The following CAMTA1 variants were observed in gnomAD, a reference collection of about 807,000 sequenced individuals.
The protein encoded by CAMTA1 is calmodulin-binding transcription activator 1.
A neutral mutation model predicts 170.9 loss-of-function variants in CAMTA1; 27 were observed. That is an observed-to-expected ratio of 0.16 (90% CI 0.12 to 0.22). The LOEUF (loss-of-function observed/expected upper bound fraction) is 0.22, where lower values mean the gene tolerates loss of function less well. Among genes scored for constraint, CAMTA1 ranks in the 10% least tolerant of loss-of-function variants. The pLI is 1.00. For missense variants in CAMTA1, 1,619 were observed against 2,217.2 expected, an observed-to-expected ratio of 0.73 and a Z score of 5.42; for synonymous variants, 833 against 891.5, an observed-to-expected ratio of 0.93 and a Z score of 1.17.
chr1:7,411,098 G>A (rs1270852305), intron 5 of CAMTA1, among the ~76,000 whole-genome samples: 6 of 152,132 alleles, frequency 3.9e-5, no homozygotes, highest in Admixed American at 3.3e-4. Flanking sequence ...TTCTCACCAC[G>A]GTCATCCTGG....
At chr1:7,150,902 C>T (rs77719430) in intron 4 of CAMTA1, among the ~76,000 whole-genome samples, 5,409 of 152,224 alleles carry the variant, frequency 0.036, 201 homozygotes, top group African/African-American at 0.093. Flanking sequence ...TCATTTTGCT[C>T]GAGTAAAGAA....
At chr1:7,060,324 C>T (rs1038661007) in intron 3 of CAMTA1, among the ~76,000 whole-genome samples, 5 of 152,236 alleles carry the variant, frequency 3.3e-5, no homozygotes, top group Non-Finnish European at 5.9e-5. Flanking sequence ...CCTCACATGG[C>T]GTTTCCGCTG....
intron 5 of CAMTA1, among the ~76,000 whole-genome samples, chr1:7,318,787 G>A (rs1483389872): frequency 3.3e-5 from 5 of 152,182 alleles, no homozygotes; most frequent in African/African-American, 7.2e-5. Flanking sequence ...CTGGTGCCAC[G>A]CGTTTTACTC....
At chr1:7,721,996 G>A (rs186720618) in intron 11 of CAMTA1, among the ~76,000 whole-genome samples, 2 of 152,282 alleles carry the variant, frequency 1.3e-5, no homozygotes, top group African/African-American at 2.4e-5. Context: ...AGTACAACCA[G>A]GAAAATTGAT....
At chr1:6,806,570 C>G (rs778243587) in intron 1 of CAMTA1, among the ~76,000 whole-genome samples, 18 of 152,164 alleles carry the variant, frequency 1.2e-4, no homozygotes, top group Admixed American at 2.6e-4. Context: ...AGTAGGCTGC[C>G]TTGGTGAAAC....
intron 4 of CAMTA1, among the ~76,000 whole-genome samples, chr1:7,233,021 A>G (rs967179321): frequency 6.6e-6 from 1 of 151,134 alleles, no homozygotes; most frequent in Non-Finnish European, 1.5e-5. Flanking sequence ...AAATAGGAAT[A>G]ATTGGACCAG....
rs563431933 is a variant in CAMTA1, at chr1:7,345,468, C to A, written c.438+95842C>A. ...CCATGATCGCCTGCTGTCTCTGACA[C>A]ATCAGCCATGGTGGGCCCATCCTGA... On this transcript the variant is annotated intron_variant, in intron 5 of 22. Coordinates refer to ENST00000303635, the MANE Select transcript of CAMTA1 (RefSeq NM_015215.4). Among the ~76,000 whole-genome samples, 13 of 152,350 alleles carry A rather than the reference C, an allele frequency of 8.5e-5. No individual in the cohort carries two copies. The East Asian group carries it at 2.5e-3, about 29-fold the overall frequency.
At chr1:7,704,586 C>G (rs1472839638) in intron 11 of CAMTA1, among the ~76,000 whole-genome samples, 2 of 148,864 alleles carry the variant, frequency 1.3e-5, no homozygotes, top group East Asian at 3.9e-4. Context: ...GCTCCGCGCC[C>G]CGCACCAGCC....
At chr1:7,100,171 G>A (rs541583425) in intron 4 of CAMTA1, among the ~76,000 whole-genome samples, 4 of 152,250 alleles carry the variant, frequency 2.6e-5, no homozygotes, top group East Asian at 3.9e-4. Context: ...TCCCCTGCAC[G>A]GCACTTGGGT....
rs1576241383 is a variant in CAMTA1, at chr1:7,585,788, T to A, written c.511-54612T>A. On this transcript the variant is annotated intron_variant, in intron 6 of 22. Coordinates refer to ENST00000303635, the MANE Select transcript of CAMTA1 (RefSeq NM_015215.4). This position sits in a 1 kb window ranked among gnomAD's most constrained non-coding sequence, Gnocchi z 4.8. ...ACAGACAGGCCAGAGACACGGCTCA[T>A]CTGTCCCTCATCCACCTCCAGCTTC... Among the ~76,000 whole-genome samples the A allele has an allele frequency of 1.3e-5, 2 of 151,016 alleles. No homozygotes were observed. The highest frequency in any genetic ancestry group is 5.0e-5 in the African/African-American group (2 of 40,398).
chr1:7,194,531 T>G (rs1253448370), intron 4 of CAMTA1, among the ~76,000 whole-genome samples: 1 of 152,220 alleles, frequency 6.6e-6, no homozygotes, highest in African/African-American at 2.4e-5. Flanking sequence ...CATTTTTGCC[T>G]TTGAAAGATG....
At chr1:7,593,744 G>A (rs1005647503) in intron 6 of CAMTA1, among the ~76,000 whole-genome samples, 6 of 149,888 alleles carry the variant, frequency 4.0e-5, no homozygotes, top group African/African-American at 2.4e-5. Flanking sequence ...ACCCGCCTTG[G>A]CCTCCCAAAC....
At chr1:7,142,895 C>T (rs1376617596) in intron 4 of CAMTA1, among the ~76,000 whole-genome samples, 3 of 152,242 alleles carry the variant, frequency 2.0e-5, no homozygotes, top group Admixed American at 6.5e-5. Flanking sequence ...CCCTGAAACA[C>T]GAGAGGCTGG....
At chr1:7,706,133 C>G (rs1422707862) in intron 11 of CAMTA1, among the ~76,000 whole-genome samples, 1 of 152,156 alleles carries the variant, frequency 6.6e-6, no homozygotes, top group Admixed American at 6.5e-5. Flanking sequence ...AGTTGCCTCA[C>G]CAGGGAAGGA....
At chr1:7,095,546 G>A (rs1641979905) in intron 4 of CAMTA1, among the ~76,000 whole-genome samples, 1 of 152,220 alleles carries the variant, frequency 6.6e-6, no homozygotes, top group South Asian at 2.1e-4. Context: ...AACCCAGTAT[G>A]ATCTCACTGC....
At chr1:7,362,050 C>T (rs954227183) in intron 5 of CAMTA1, among the ~76,000 whole-genome samples, 1 of 152,232 alleles carries the variant, frequency 6.6e-6, no homozygotes, top group South Asian at 2.1e-4. Flanking sequence ...TATACTTGGA[C>T]AGGGCCAGAA....
Position 7,050,199 on chromosome 1 carries a change from G to A in CAMTA1, c.235-41105G>A, listed in dbSNP as rs952781932. 6.6e-6 allele frequency among the ~76,000 whole-genome samples: 1 copy of A among 152,208 alleles called. No homozygotes were observed. The highest frequency in any genetic ancestry group is 1.5e-5 in the Non-Finnish European group (1 of 68,028). On this transcript the variant is annotated intron_variant, in intron 3 of 22. Transcript: ENST00000303635. This position sits in a 1 kb window ranked among gnomAD's most constrained non-coding sequence, Gnocchi z 4.8. ...CGGCAGGGCCACGGAGGACTCAGGC[G>A]GCTGTTCCCGGCCTGCACCCTGGTC...
intron 3 of CAMTA1, among the ~76,000 whole-genome samples, chr1:6,883,358 G>A (rs1013763361): frequency 3.9e-5 from 6 of 152,160 alleles, no homozygotes; most frequent in African/African-American, 7.2e-5. Flanking sequence ...CCAGTTCCAG[G>A]TGGTTCAAGC....
Position 7,435,934 on chromosome 1 carries a change from G to T in CAMTA1, c.439-31896G>T, listed in dbSNP as rs2092333581. 6.6e-6 allele frequency among the ~76,000 whole-genome samples: 1 copy of T among 152,140 alleles called. No homozygotes were observed. Among genetic ancestry groups the T allele is most frequent in the South Asian group, 2.1e-4 (1 of 4,824 alleles). ...GAAGATACTGTCTTAGGTACAAGAG[G>T]CACCTCAGGAGCAGAGGAGGGAGCT... On this transcript the variant is annotated intron_variant, in intron 5 of 22. Coordinates refer to ENST00000303635, the MANE Select transcript of CAMTA1 (RefSeq NM_015215.4). This position sits in a 1 kb window ranked among gnomAD's most constrained non-coding sequence, Gnocchi z 4.4.
Sources: allele counts gnomAD v4.1 joint callset (sites outside exome capture counted in the v4.1 genomes callset), GRCh38; gene constraint gnomAD v4.1.1; non-coding constraint Gnocchi (gnomAD v3.1); transcripts MANE v1.5; gene names NCBI Gene and HGNC (gene_info 2026-07-23, HGNC 2026-07-21).